TENM2: variants seen among roughly 807,000 people sequenced by gnomAD.
TENM2 encodes teneurin transmembrane protein 2.
TENM2 carries 52 observed loss-of-function variants against 245.2 expected under a neutral mutation model. The ratio of observed to expected loss-of-function variants is 0.21; its 90% CI spans 0.17 to 0.27. The LOEUF is 0.27. Ranked by LOEUF, TENM2 falls within the 10% of genes least tolerant of loss-of-function variation. The pLI is 1.00. For missense variants in TENM2, 3,046 were observed against 3,666.8 expected (o/e 0.83, Z 4.37); for synonymous variants, 1,363 against 1,438.9 (o/e 0.95, Z 1.19).
At chr5:168,223,639 G>A (rs952737812) in intron 23 of TENM2, among the ~76,000 whole-genome samples, 1 of 151,868 alleles carries the variant, frequency 6.6e-6, no homozygotes, top group African/African-American at 2.4e-5. Context: ...GCTAATTTTT[G>A]TATTTTTAGT....
At chr5:167,936,305 A>C (rs566171495) in intron 3 of TENM2, among the ~76,000 whole-genome samples, 1 of 152,358 alleles carries the variant, frequency 6.6e-6, no homozygotes, top group African/African-American at 2.4e-5. Context: ...TACACAGTAT[A>C]GTTTCTTAAA....
intron 23 of TENM2, among the ~76,000 whole-genome samples, chr5:168,224,032 G>A (rs1477346427): frequency 2.0e-5 from 3 of 152,030 alleles, no homozygotes; most frequent in Admixed American, 6.6e-5. Flanking sequence ...CGATCCTGAT[G>A]GCTTCATAGG....
At chr5:167,458,506 A>AC (rs1766072282) in intron 2 of TENM2, among the ~76,000 whole-genome samples, 1 of 149,420 alleles carries the variant, frequency 6.7e-6, no homozygotes, top group Non-Finnish European at 1.5e-5. Context: ...AAAAAAAAAA[A>AC]AAAAAAAAAA....
At chr5:167,290,136 T>G (rs1235842252) in intron 1 of TENM2, among the ~76,000 whole-genome samples, 3 of 152,206 alleles carry the variant, frequency 2.0e-5, no homozygotes, top group Non-Finnish European at 4.4e-5. Context: ...AAAAAGAGAA[T>G]CTACAACTTT....
At chr5:167,905,522 TA>T (rs1479285933) in intron 3 of TENM2, among the ~76,000 whole-genome samples, 1 of 152,182 alleles carries the variant, frequency 6.6e-6, no homozygotes, top group Non-Finnish European at 1.5e-5. Flanking sequence ...AGGAGGGGGC[TA>T]GGGGTAGAGG....
intron 12 of TENM2, among the ~76,000 whole-genome samples, chr5:168,144,913 C>T (rs1755906633): frequency 6.6e-6 from 1 of 150,724 alleles, no homozygotes; most frequent in Non-Finnish European, 1.5e-5. Flanking sequence ...TTTTGATTTG[C>T]ATTTCTCTGA....
At chr5:167,411,606 G>GTA (rs1554147055) in intron 2 of TENM2, among the ~76,000 whole-genome samples, 7,816 of 147,702 alleles carry the variant, frequency 0.053, 252 homozygotes, top group Non-Finnish European at 0.08. Flanking sequence ...GTGTGTGTGT[G>GTA]TGTATGTATG....
intron 19 of TENM2, among the ~76,000 whole-genome samples, chr5:168,210,786 AG>A (rs1015273472): frequency 6.6e-6 from 1 of 152,164 alleles, no homozygotes; most frequent in Non-Finnish European, 1.5e-5. Flanking sequence ...CTCAACTGAA[AG>A]GGAAAGAGGG....
rs1764384950 is a variant in TENM2 at position 167,783,935 on chromosome 5, A to C, written c.503-92051A>C. ...AGTGTACCCCAAATACTAATCTGGA[A>C]TATATGGAGTATCAGTCAATGTTTG... On this transcript the variant is annotated intron_variant, in intron 2 of 28. Transcript: ENST00000518659. 1.3e-5 allele frequency among the ~76,000 whole-genome samples: 2 copies of C among 152,064 alleles called. 1 individual carries two copies. The highest frequency in any genetic ancestry group is 4.8e-5 in the African/African-American group (2 of 41,416).
chr5:168,171,360 G>C (rs894262506), intron 13 of TENM2, among the ~76,000 whole-genome samples: 36 of 152,286 alleles, frequency 2.4e-4, no homozygotes, highest in African/African-American at 8.2e-4. Context: ...AGCCCTTTCA[G>C]CTAACCACCA....
At chr5:167,393,676 G>A (rs1398713742) in intron 2 of TENM2, among the ~76,000 whole-genome samples, 1 of 152,134 alleles carries the variant, frequency 6.6e-6, no homozygotes, top group African/African-American at 2.4e-5. Context: ...CATCCAGACA[G>A]AGTTTTGAGC....
chr5:167,545,052 C>G (rs963585206), intron 2 of TENM2, among the ~76,000 whole-genome samples: 5 of 152,202 alleles, frequency 3.3e-5, no homozygotes, highest in African/African-American at 1.2e-4. Context: ...TGCTGCTGAT[C>G]TATTTCAATA....
intron 2 of TENM2, among the ~76,000 whole-genome samples, chr5:167,553,593 A>G (rs1773089271): frequency 6.6e-6 from 1 of 152,158 alleles, no homozygotes; most frequent in South Asian, 2.1e-4. Flanking sequence ...TAAGGGAATC[A>G]TGGACGTCAT....
At chr5:168,057,038 G>A (rs570733554) in intron 6 of TENM2, among the ~76,000 whole-genome samples, 68 of 152,090 alleles carry the variant, frequency 4.5e-4, no homozygotes, top group African/African-American at 1.6e-3. Context: ...ACTCATGACT[G>A]TATATATATA....
chr5:167,040,144 C>A, the TENM2 span, among the ~76,000 whole-genome samples: 1 of 152,032 alleles, frequency 6.6e-6, no homozygotes, highest in African/African-American at 2.4e-5. Context: ...TCATCTTGTA[C>A]TTCTATCTAG....
chr5:167,413,452 C>A (rs1012875152), intron 2 of TENM2, among the ~76,000 whole-genome samples: 4 of 152,056 alleles, frequency 2.6e-5, no homozygotes, highest in African/African-American at 9.7e-5. Context: ...AAAAGATTAC[C>A]AATTTGTGAC....
chr5:167,949,854 C>T (rs532744029), intron 3 of TENM2, among the ~76,000 whole-genome samples: 68 of 152,128 alleles, frequency 4.5e-4, no homozygotes, highest in Admixed American at 8.5e-4. Flanking sequence ...TCCTGCACCT[C>T]GTTGGGAAAT....
At chr5:167,114,917 A>G in the TENM2 span, among the ~76,000 whole-genome samples, 4 of 152,250 alleles carry the variant, frequency 2.6e-5, no homozygotes, top group African/African-American at 9.6e-5. Flanking sequence ...GCAGTGGAGA[A>G]GGGGATATGC....
chr5:167,395,068 G>A (rs1273895416), intron 2 of TENM2, among the ~76,000 whole-genome samples: 1 of 152,142 alleles, frequency 6.6e-6, no homozygotes, highest in East Asian at 1.9e-4. Flanking sequence ...CATTGGAGGT[G>A]TAGATTGCTT....
Sources: gnomAD v4.1 joint callset for allele counts (sites outside exome capture counted in the v4.1 genomes callset) on GRCh38, gnomAD v4.1.1 for gene constraint, MANE v1.5 for transcripts, NCBI Gene and HGNC (gene_info 2026-07-23, HGNC 2026-07-21) for gene names.